Variants in MTF1 observed in about 807,000 individuals in gnomAD.
MTF1 encodes the protein metal regulatory transcription factor 1.
A neutral mutation model predicts 70.4 loss-of-function variants in MTF1; 22 were observed. The observed-to-expected ratio is 0.31, with a 90% CI of 0.22 to 0.45. The LOEUF (loss-of-function observed/expected upper bound fraction) is 0.45. MTF1 is among the 20% of genes least tolerant of loss of function. The pLI is 1.00. For synonymous variants in MTF1, 333 were observed against 352.8 expected, an observed-to-expected ratio of 0.94 and a Z score of 0.63; for missense variants, 649 against 922.0, an observed-to-expected ratio of 0.70 and a Z score of 3.83.
Position 37,812,741 on chromosome 1 carries a change from CT to C in MTF1, c.*2394del, listed in dbSNP as rs1385373063. 9 of 152,212 alleles carry C rather than the reference CT, an allele frequency of 5.9e-5. No individual in the cohort carries two copies. Among genetic ancestry groups the C allele is most frequent in the Non-Finnish European group, 1.3e-4 (9 of 68,048 alleles). 9.4% of individuals were successfully genotyped at this position (152,212 alleles called of 1,614,324 possible). ...GGATGGGGATATGGGAAGGTCATTACTGCCCTCTGATACAAGCTTACTTTGG... is the reference window on the plus strand; with the variant it reads ...GGATGGGGATATGGGAAGGTCATTACGCCCTCTGATACAAGCTTACTTTGG... On this transcript the variant is annotated 3_prime_UTR_variant, in exon 11 of 11. Transcript: ENST00000373036.
chr1:37,822,358 C>T lies in MTF1; in HGVS notation c.1530G>A (p.Ala510=), dbSNP rs144677217. The change falls in exon 9 of 11, where the codon GCG becomes GCA. Residue 510 remains alanine, a synonymous_variant. Coordinates refer to ENST00000373036, the MANE Select transcript of MTF1 (RefSeq NM_005955.3). Reference sequence around the variant, plus strand: ...GTGCTGCCACAGCTGATGCCACTGCCGCTGCTGATGCAGAAGCCCCAGCAA... The same window carrying T: ...GTGCTGCCACAGCTGATGCCACTGCTGCTGCTGATGCAGAAGCCCCAGCAA... The part of the protein sequence containing the change: ...SVVAGASASA[A]AVASAVAAPA... 94 of 1,612,906 alleles carry T rather than the reference C, an allele frequency of 5.8e-5. No homozygotes were observed. In the African/African-American group the frequency reaches 1.1e-3, roughly 18 times the overall value.
Position 37,857,564 on chromosome 1 carries a change from T to C in MTF1, c.95A>G (p.Lys32Arg). 1 of 1,614,246 alleles carries C rather than the reference T, an allele frequency of 6.2e-7. No homozygotes were observed. Among genetic ancestry groups the C allele is most frequent in the Non-Finnish European group, 8.5e-7 (1 of 1,180,046 alleles). The change falls in exon 2 of 11, where the codon AAA (lysine) becomes AGA (arginine). Residue 32 changes from lysine (K) to arginine (R), a missense_variant. Coordinates refer to ENST00000373036, the MANE Select transcript of MTF1 (RefSeq NM_005955.3). Reference protein sequence around the residue: ...PDDKMLRFVDKNGLVPSSSGT... With the variant: ...PDDKMLRFVDRNGLVPSSSGT... ...AGATGAGGAAGGCACCAGTCCGTTT[T>C]TATCCACAAACCTGAGCATTTTATC...
At chr1:37,834,061 TACTAAA>T (rs149118648) in intron 6 of MTF1, among the ~76,000 whole-genome samples, 587 of 151,888 alleles carry the variant, frequency 3.9e-3, no homozygotes, top group Middle Eastern at 0.014. Flanking sequence ...ACCACATCTC[TACTAAA>T]AACACAAAAA....
intron 2 of MTF1, among the ~76,000 whole-genome samples, chr1:37,846,383 A>G (rs1364505565): frequency 6.9e-6 from 1 of 144,848 alleles, no homozygotes; most frequent in Non-Finnish European, 1.5e-5. Flanking sequence ...ATGGAGTGAG[A>G]CCCCATTTAA....
In MTF1 at chr1:37,857,469, C is replaced by T. The variant is rs774017828; in HGVS notation, c.190G>A (p.Asp64Asn). The T allele has an allele frequency of 2.5e-6, 4 of 1,614,054 alleles. No individual in the cohort carries two copies. The highest frequency in any genetic ancestry group is 1.7e-5 in the Admixed American group (1 of 59,988). Reference sequence around the variant, plus strand: ...GGCAAGTGTTCTCCGCACTGTCCGTCGTCATCTTCATCCTCCAAAGTGCCA... The same window carrying T: ...GGCAAGTGTTCTCCGCACTGTCCGTTGTCATCTTCATCCTCCAAAGTGCCA... The part of the protein sequence containing the change: ...DPGTLEDEDD[D>N]GQCGEHLPFL... Residue 64 changes from aspartate to asparagine, a missense_variant, in exon 2 of 11, where the codon GAC becomes AAC. Coordinates refer to ENST00000373036, the MANE Select transcript of MTF1 (RefSeq NM_005955.3).
Position 37,822,465 on chromosome 1 carries a change from T to G in MTF1, c.1423A>C (p.Ser475Arg). The change falls in exon 9 of 11, where the codon AGC becomes CGC. Residue 475 changes from serine (S) to arginine (R), a missense_variant. Physicochemically the swap from Ser to Arg is moderately radical, Grantham distance 110. This residue lies in a region of MTF1 where 267 missense variants were observed against 292.1 expected (regional missense o/e 0.91). Coordinates refer to ENST00000373036, the MANE Select transcript of MTF1 (RefSeq NM_005955.3). Reference protein sequence around the residue: ...LQPPEVPVPHSTQFAANHQEF... With the variant: ...LQPPEVPVPHRTQFAANHQEF... Reference sequence around the variant, plus strand: ...TGATGATTAGCAGCAAACTGTGTGCTGTGGGGAACAGGCACTTCTGGAGGT... The same window carrying G: ...TGATGATTAGCAGCAAACTGTGTGCGGTGGGGAACAGGCACTTCTGGAGGT... 6.2e-7 allele frequency: 1 copy of G among 1,614,120 alleles called. No homozygotes were observed. Among genetic ancestry groups the G allele is most frequent in the Non-Finnish European group, 8.5e-7 (1 of 1,180,028 alleles).
At position 37,813,380 on chromosome 1, in the gene MTF1, A is replaced by T. The variant is rs1200963998; in HGVS notation, c.*1756T>A. The T allele has an allele frequency of 2.0e-5, 3 of 152,196 alleles. No homozygotes were observed. Among genetic ancestry groups the T allele is most frequent in the African/African-American group, 7.2e-5 (3 of 41,432 alleles). The allele number at this position is 152,196 out of a possible 1,614,324, so 9.4% of individuals were successfully genotyped here. On this transcript the variant is annotated 3_prime_UTR_variant, in exon 11 of 11. Coordinates refer to ENST00000373036, the MANE Select transcript of MTF1 (RefSeq NM_005955.3). The stretch of plus-strand genomic sequence containing the variant: ...TGCCATTTCTCCTCATGGCAGTAAC[A>T]ACATTCACCACCACTGCCCTCTTTG...
chr1:37,849,343 T>G (rs1188104055), intron 2 of MTF1, among the ~76,000 whole-genome samples: 2 of 152,028 alleles, frequency 1.3e-5, no homozygotes, highest in African/African-American at 4.8e-5. Flanking sequence ...GGAGAATCTC[T>G]TGAACCCTGG....
chr1:37,822,429 G>T lies in MTF1; in HGVS notation c.1459C>A (p.Pro487Thr). 1.9e-6 allele frequency: 3 copies of T among 1,614,168 alleles called. No homozygotes were observed. Among genetic ancestry groups the T allele is most frequent in the Non-Finnish European group, 2.5e-6 (3 of 1,180,016 alleles). Residue 487 changes from proline (P) to threonine (T), a missense_variant, in exon 9 of 11, where the codon CCG becomes ACG. This residue lies in a region of MTF1 where 267 missense variants were observed against 292.1 expected (regional missense o/e 0.91). Coordinates refer to ENST00000373036, the MANE Select transcript of MTF1 (RefSeq NM_005955.3). ...QFAANHQEFL[P>T]HPQAPQPIVP... ...ATGGGCTGCGGTGCCTGGGGGTGCGGAAGAAACTCTTGATGATTAGCAGCA... is the reference window on the plus strand; with the variant it reads ...ATGGGCTGCGGTGCCTGGGGGTGCGTAAGAAACTCTTGATGATTAGCAGCA...
chr1:37,809,894 G>A lies in MTF1; in HGVS notation c.*5242C>T, dbSNP rs1310213716. 1 of 152,392 alleles carries A rather than the reference G, an allele frequency of 6.6e-6. No homozygotes were observed. Among genetic ancestry groups the A allele is most frequent in the Non-Finnish European group, 1.5e-5 (1 of 68,008 alleles). The allele number at this position is 152,392 out of a possible 1,614,324, so 9.4% of individuals were successfully genotyped here. ...AAAACTATTTGGGATTTTAAAAGTT[G>A]TCACCAAGACCCCGGCCAATGATTA... On this transcript the variant is annotated 3_prime_UTR_variant, in exon 11 of 11. Transcript: ENST00000373036.
intron 2 of MTF1, among the ~76,000 whole-genome samples, chr1:37,851,793 A>G (rs926058973): frequency 2.0e-5 from 3 of 151,726 alleles, no homozygotes; most frequent in African/African-American, 7.3e-5. Flanking sequence ...AACAAAAATG[A>G]TTCAATCTCC....
chr1:37,845,238 G>A (rs978621328), intron 2 of MTF1, among the ~76,000 whole-genome samples: 1 of 152,234 alleles, frequency 6.6e-6, no homozygotes, highest in Non-Finnish European at 1.5e-5. Context: ...CAAAGGAATA[G>A]TTTCAAGGAG....
chr1:37,819,906 T>C (rs918162238), intron 9 of MTF1, among the ~76,000 whole-genome samples: 6 of 132,896 alleles, frequency 4.5e-5, no homozygotes, highest in African/African-American at 9.2e-5. Context: ...GAGCCAAAAC[T>C]GCACCACTGC....
rs1640737918 is a variant in MTF1 at position 37,811,653 on chromosome 1, C to T, written c.*3483G>A. On this transcript the variant is annotated 3_prime_UTR_variant, in exon 11 of 11. Transcript: ENST00000373036. ...CATTATACAAAGTCTCTCAGGAAAA[C>T]CCACCCACCCTCCAATATCCCCATC... 6.6e-6 allele frequency: 1 copy of T among 152,128 alleles called. No homozygotes were observed. Among genetic ancestry groups the T allele is most frequent in the Non-Finnish European group, 1.5e-5 (1 of 68,030 alleles). 9.4% of individuals were successfully genotyped at this position (152,128 alleles called of 1,614,324 possible).
chr1:37,834,631 T>C (rs1641137879), intron 6 of MTF1: 1 of 456,630 alleles, frequency 2.2e-6, no homozygotes. Context: ...AGAAGCTCAC[T>C]TAACAGGTTA....
chr1:37,855,509 T>C (rs1557600418), intron 2 of MTF1, among the ~76,000 whole-genome samples: 1 of 152,198 alleles, frequency 6.6e-6, no homozygotes, highest in South Asian at 2.1e-4. Flanking sequence ...GGAAAAGTGA[T>C]ATGCCATCAA....
chr1:37,846,967 C>T (rs1641341604), intron 2 of MTF1, among the ~76,000 whole-genome samples: 1 of 152,102 alleles, frequency 6.6e-6, no homozygotes, highest in Non-Finnish European at 1.5e-5. Flanking sequence ...GCCTTTTCCT[C>T]CCCATCACTA....
At chr1:37,833,861 A>G (rs1478647445) in intron 6 of MTF1, among the ~76,000 whole-genome samples, 1 of 152,032 alleles carries the variant, frequency 6.6e-6, no homozygotes, top group African/African-American at 2.4e-5. Context: ...GCAAGTATAA[A>G]GGCCTAGGGG....
At chr1:37,823,857 A>G (rs1300768127) in intron 7 of MTF1, 45 bp from the exon 8 acceptor site, 1 of 1,394,716 alleles carries the variant, frequency 7.2e-7, no homozygotes, top group Admixed American at 1.7e-5. Flanking sequence ...TCTTGAGACA[A>G]TTCTTCACCA....
Sources: gnomAD v4.1 joint callset for allele counts (sites outside exome capture counted in the v4.1 genomes callset) on GRCh38, gnomAD v4.1.1 for gene constraint, gnomAD v4.1.1 regional missense constraint, MANE v1.5 for transcripts, NCBI Gene and HGNC (gene_info 2026-07-23, HGNC 2026-07-21) for gene names.